ATP6V1C1: variants seen among roughly 807,000 people sequenced by gnomAD.
ATP6V1C1 encodes the protein V-type proton ATPase subunit C 1.
In ATP6V1C1, 45 loss-of-function variants were observed where a neutral mutation model predicts 53.9. That is an observed-to-expected ratio of 0.83 (90% CI 0.66 to 1.07). The LOEUF is 1.07. Ranked by LOEUF, ATP6V1C1 falls within the 50% of genes least tolerant of loss-of-function variation. ATP6V1C1 has a pLI of 0.00. For synonymous variants in ATP6V1C1, 153 were observed against 155.2 expected (o/e 0.99, Z 0.11); for missense variants, 315 against 440.3 (o/e 0.72, Z 2.55).
intron 1 of ATP6V1C1, among the ~76,000 whole-genome samples, chr8:103,021,627 TGGG>T (rs991698280): frequency 9.1e-5 from 2 of 22,084 alleles, no homozygotes; most frequent in African/African-American, 3.9e-4. Flanking sequence ...GGGTGTGTGT[TGGG>T]GGGGGCGCGG....
intron 3 of ATP6V1C1, 127 bp from the exon 4 acceptor site, chr8:103,048,743 G>A: frequency 1.4e-6 from 1 of 709,930 alleles, no homozygotes; most frequent in Non-Finnish European, 2.3e-6. Flanking sequence ...CATTTATTGT[G>A]TATTATATGG....
intron 12 of ATP6V1C1, among the ~76,000 whole-genome samples, chr8:103,068,065 C>T (rs1056517357): frequency 6.6e-6 from 1 of 152,164 alleles, no homozygotes; most frequent in Non-Finnish European, 1.5e-5. Flanking sequence ...ACTGCAGCCT[C>T]AACCTCTATG....
chr8:103,027,192 G>A (rs1407768498), intron 1 of ATP6V1C1, among the ~76,000 whole-genome samples: 1 of 152,184 alleles, frequency 6.6e-6, no homozygotes, highest in Non-Finnish European at 1.5e-5. Flanking sequence ...GCCTTCTTGT[G>A]CTTCTTAAAA....
chr8:103,054,172 A>T (rs1024209937), intron 7 of ATP6V1C1, among the ~76,000 whole-genome samples, 190 bp downstream of exon 7: 6 of 152,054 alleles, frequency 3.9e-5, no homozygotes, highest in African/African-American at 1.4e-4. Flanking sequence ...GGCAATGGAG[A>T]CTTCAGTTAT....
At position 103,070,060 on chromosome 8, in the gene ATP6V1C1, TAATAA is replaced by T. The variant is rs1361832854; in HGVS notation, c.*1318_*1322del. On this transcript the variant is annotated 3_prime_UTR_variant, in exon 13 of 13. Transcript: ENST00000518738. ...CGTATACACACACACAGTTTATTTT[TAATAA>T]AATAGGATTATACCACACACATCCT... is the stretch of plus-strand genomic sequence containing the variant. The T allele has an allele frequency of 6.6e-6, 1 of 152,284 alleles. No homozygotes were observed. 9.4% of individuals were successfully genotyped at this position (152,284 alleles called of 1,614,324 possible). A position where few individuals can be genotyped will look rare whatever the true frequency, so the allele number is the denominator to read the frequency against.
intron 3 of ATP6V1C1, among the ~76,000 whole-genome samples, chr8:103,047,786 T>C (rs572916337): frequency 2.0e-5 from 3 of 152,222 alleles, no homozygotes; most frequent in Non-Finnish European, 2.9e-5. Flanking sequence ...TTTCTTCCCA[T>C]GTAATCATCC....
chr8:103,036,971 G>T (rs917195557), intron 1 of ATP6V1C1, among the ~76,000 whole-genome samples: 1 of 152,078 alleles, frequency 6.6e-6, no homozygotes, highest in African/African-American at 2.4e-5. Flanking sequence ...CAGAAACCAC[G>T]ATCGCTTAGA....
chr8:103,034,377 G>A (rs1816854071), intron 1 of ATP6V1C1, among the ~76,000 whole-genome samples: 1 of 152,142 alleles, frequency 6.6e-6, no homozygotes, highest in Non-Finnish European at 1.5e-5. Context: ...AGAAGGTGGT[G>A]TCAGGTTCTT....
intron 8 of ATP6V1C1, 56 bp from the exon 9 acceptor site, chr8:103,062,899 A>G: frequency 6.6e-7 from 1 of 1,514,406 alleles, no homozygotes; most frequent in Non-Finnish European, 9.1e-7. Flanking sequence ...TTTGCCCTTA[A>G]TATGAAAGAC....
chr8:103,067,125 G>T lies in ATP6V1C1; in HGVS notation c.1053+678G>T, dbSNP rs191998522. On this transcript the variant is annotated intron_variant, in intron 12 of 12. Transcript: ENST00000518738. ...TTAAAATTGTAGTGGGCCGCTGGGCGTGGTGGCTCACGCCTGTAATCCCAG... is the reference window on the plus strand; with the variant it reads ...TTAAAATTGTAGTGGGCCGCTGGGCTTGGTGGCTCACGCCTGTAATCCCAG... 2.5e-3 allele frequency among the ~76,000 whole-genome samples: 374 copies of T among 151,760 alleles called. 1 individual carries two copies. The highest frequency in any genetic ancestry group is 0.01 in the Middle Eastern group (3 of 292).
At chr8:103,047,465 T>TA (rs1301007587) in intron 3 of ATP6V1C1, among the ~76,000 whole-genome samples, 32 of 45,682 alleles carry the variant, frequency 7.0e-4, no homozygotes, top group African/African-American at 2.3e-3. Flanking sequence ...CACACACACA[T>TA]TTTTTTTTTA....
chr8:103,052,580 C>T (rs1817219087), intron 5 of ATP6V1C1, 151 bp from the exon 6 acceptor site: 1 of 391,434 alleles, frequency 2.6e-6, no homozygotes, highest in Non-Finnish European at 4.5e-6. Context: ...TAAATGACCT[C>T]CTAAAGTCGT....
chr8:103,023,513 C>G (rs1037137003), intron 1 of ATP6V1C1, among the ~76,000 whole-genome samples: 1 of 151,996 alleles, frequency 6.6e-6, no homozygotes, highest in South Asian at 2.1e-4. Context: ...ACAGGGTAGT[C>G]GTAACTACCC....
chr8:103,052,061 A>T (rs1049987594), intron 5 of ATP6V1C1, among the ~76,000 whole-genome samples: 27 of 152,058 alleles, frequency 1.8e-4, no homozygotes, highest in African/African-American at 6.0e-4. Context: ...TCTTACTATG[A>T]CTGAGCCTTT....
chr8:103,048,395 A>G (rs750005556), intron 3 of ATP6V1C1, among the ~76,000 whole-genome samples: 2 of 152,242 alleles, frequency 1.3e-5, no homozygotes, highest in Non-Finnish European at 2.9e-5. Context: ...TTAATAATGT[A>G]GGACTTAGTT....
chr8:103,068,407 A>G (rs1817532165), intron 12 of ATP6V1C1, among the ~76,000 whole-genome samples: 1 of 152,242 alleles, frequency 6.6e-6, no homozygotes, highest in Admixed American at 6.5e-5. Context: ...CTAAATACAT[A>G]TGCAGTCAGA....
intron 1 of ATP6V1C1, among the ~76,000 whole-genome samples, chr8:103,031,075 A>G (rs1248153398): frequency 2.0e-5 from 3 of 152,222 alleles, no homozygotes; most frequent in African/African-American, 7.2e-5. Context: ...TCTTAAAAGG[A>G]AGACAGCAAA....
At chr8:103,060,042 A>G (rs1172768950) in intron 8 of ATP6V1C1, among the ~76,000 whole-genome samples, 1 of 148,056 alleles carries the variant, frequency 6.8e-6, no homozygotes, top group Non-Finnish European at 1.5e-5. Context: ...ATCTTGGCTC[A>G]CCGCAACCTC....
Position 103,055,940 on chromosome 8 carries a change from A to G in ATP6V1C1, c.641+4A>G. ...TGGTAGTTCCAAGGTCTAGCAAGTA[A>G]GTAGAAGTCTTTGTAAAACCATTTG... On this transcript the variant is annotated splice_donor_region_variant and intron_variant, in intron 8 of 12. Coordinates refer to ENST00000518738, the MANE Select transcript of ATP6V1C1 (RefSeq NM_001695.5). The G allele has an allele frequency of 6.2e-7, 1 of 1,610,560 alleles. No individual in the cohort carries two copies. Among genetic ancestry groups the G allele is most frequent in the Non-Finnish European group, 8.5e-7 (1 of 1,177,332 alleles).
Sources: gnomAD v4.1 joint callset for allele counts (sites outside exome capture counted in the v4.1 genomes callset) on GRCh38, gnomAD v4.1.1 for gene constraint, MANE v1.5 for transcripts, NCBI Gene and HGNC (gene_info 2026-07-23, HGNC 2026-07-21) for gene names.